CDH13: variants seen among roughly 807,000 people sequenced by gnomAD.
CDH13 encodes the protein cadherin 13, also known as cadherin-13.
In CDH13, 24 loss-of-function variants were observed where a neutral mutation model predicts 63.8. That is an observed-to-expected ratio of 0.38 (90% CI 0.27 to 0.53). The LOEUF is 0.53. Among genes scored for constraint, CDH13 ranks in the 20% least tolerant of loss-of-function variants. The probability of loss-of-function intolerance (pLI) is 0.85; values close to 1 mark genes in which losing one functional copy is unlikely to be tolerated. For synonymous variants in CDH13, 503 were observed against 355.3 expected (o/e 1.42, Z -4.67); for missense variants, 1,049 against 903.1 (o/e 1.16, Z -2.07).
intron 10 of CDH13, among the ~76,000 whole-genome samples, chr16:83,731,614 T>G (rs938888498): frequency 2.0e-5 from 3 of 152,228 alleles, no homozygotes; most frequent in African/African-American, 7.2e-5. Context: ...ATAGGTTGTC[T>G]GTTTATTCTG....
rs1181604361 is a variant in CDH13, at chr16:83,780,080, C to G, written c.1794C>G (p.Asn598Lys). 1.2e-6 allele frequency: 2 copies of G among 1,613,774 alleles called. No individual in the cohort carries two copies. Among genetic ancestry groups the G allele is most frequent in the Non-Finnish European group, 1.7e-6 (2 of 1,179,818 alleles). ...CTGAAGTCTGTGATGATGCCAAAAA[C>G]CTCAGTGTAGTCATTTTGGGAGCAT... ...TVAEVCDDAK[N>K]LSVVILGASD... Residue 598 changes from asparagine to lysine, a missense_variant, in exon 12 of 14, where the codon AAC (asparagine) becomes AAG (lysine). Physicochemically the swap from Asn to Lys is moderately conservative, Grantham distance 94. Coordinates refer to ENST00000567109, the MANE Select transcript of CDH13 (RefSeq NM_001257.5).
chr16:83,610,370 T>C (rs1908747737), intron 8 of CDH13, among the ~76,000 whole-genome samples: 2 of 152,240 alleles, frequency 1.3e-5, no homozygotes, highest in Non-Finnish European at 2.9e-5. Flanking sequence ...CAACTTCTTT[T>C]TGTCATGTAA....
intron 7 of CDH13, among the ~76,000 whole-genome samples, chr16:83,561,141 C>G (rs964230832): frequency 1.3e-5 from 2 of 152,030 alleles, no homozygotes; most frequent in Admixed American, 1.3e-4. Context: ...AGGTTCTTCT[C>G]TCATTCCTTC....
chr16:83,336,430 G>A (rs1597781181), intron 5 of CDH13, among the ~76,000 whole-genome samples: 1 of 152,062 alleles, frequency 6.6e-6, no homozygotes, highest in South Asian at 2.1e-4. Flanking sequence ...CAGCATCTAC[G>A]CTAAAAAACA....
intron 2 of CDH13, among the ~76,000 whole-genome samples, chr16:82,993,662 C>G (rs910696644): frequency 6.6e-6 from 1 of 152,130 alleles, no homozygotes; most frequent in African/African-American, 2.4e-5. Context: ...TCAGAGGATG[C>G]TGCTTCTCGG....
intron 5 of CDH13, among the ~76,000 whole-genome samples, chr16:83,240,872 T>G (rs1377608646): frequency 3.3e-5 from 5 of 151,826 alleles, no homozygotes; most frequent in African/African-American, 2.4e-5. Flanking sequence ...TCTTAACCAT[T>G]TATAAGTATG....
rs139325280 is a variant in CDH13 at position 82,639,542 on chromosome 16, G to C, written c.45+12405G>C. 57 of 925,616 alleles carry C rather than the reference G, an allele frequency of 6.2e-5. No homozygotes were observed. The African/African-American group carries it at 9.0e-4, about 15-fold the overall frequency. The allele number at this position is 925,616 out of a possible 1,614,324, so 57.3% of individuals were successfully genotyped here. ...GATGCTAAGAAACCCTGTTGCCTAA[G>C]TCAGTGCTTCCTGCAAGCTACTCTT... is the stretch of plus-strand genomic sequence containing the variant. On this transcript the variant is annotated intron_variant, in intron 1 of 13. Transcript: ENST00000567109.
chr16:82,750,973 T>C (rs2034389851), intron 1 of CDH13, among the ~76,000 whole-genome samples: 1 of 152,220 alleles, frequency 6.6e-6, no homozygotes, highest in Non-Finnish European at 1.5e-5. Flanking sequence ...TGAAAGCTAG[T>C]CATCAGCAGT....
chr16:83,336,312 A>AAG (rs1555531893), intron 5 of CDH13, among the ~76,000 whole-genome samples: 2 of 143,818 alleles, frequency 1.4e-5, no homozygotes, highest in Non-Finnish European at 3.0e-5. Flanking sequence ...AAAAAAAAAA[A>AAG]AAAAAAGAAA....
chr16:83,504,546 G>A (rs990911967), intron 7 of CDH13, among the ~76,000 whole-genome samples: 1 of 152,202 alleles, frequency 6.6e-6, no homozygotes, highest in Non-Finnish European at 1.5e-5. Flanking sequence ...AAGCAGGCCA[G>A]ATCTTTATGA....
At position 83,486,492 on chromosome 16, in the gene CDH13, G is replaced by A. The variant is rs575136203; in HGVS notation, c.797G>A (p.Arg266Gln). The A allele has an allele frequency of 2.1e-5, 34 of 1,613,270 alleles. No homozygotes were observed. Among genetic ancestry groups the A allele is most frequent in the South Asian group, 9.9e-5 (9 of 91,050 alleles). The stretch of plus-strand genomic sequence containing the variant: ...GCCCCGGTAGGCACCACAGTGATGC[G>A]GATGACAGCCTTTGATGCAGATGAC... ...EGSPTGTTVM[R>Q]MTAFDADDPA... The change falls in exon 7 of 14, where the codon CGG becomes CAG. Residue 266 changes from arginine to glutamine, a missense_variant. Transcript: ENST00000567109.
At chr16:83,422,709 T>C (rs902186186) in intron 6 of CDH13, among the ~76,000 whole-genome samples, 2 of 152,206 alleles carry the variant, frequency 1.3e-5, no homozygotes, top group Non-Finnish European at 2.9e-5. Flanking sequence ...TCTAAGCTCA[T>C]GTGGCCATTT....
intron 8 of CDH13, among the ~76,000 whole-genome samples, chr16:83,654,141 A>C (rs1912652941): frequency 6.6e-6 from 1 of 152,088 alleles, no homozygotes; most frequent in Admixed American, 6.5e-5. Context: ...GGATGAATGA[A>C]TCATTCCAGC....
intron 3 of CDH13, among the ~76,000 whole-genome samples, chr16:83,086,043 C>A (rs1391511421): frequency 1.3e-5 from 2 of 152,154 alleles, no homozygotes; most frequent in Non-Finnish European, 2.9e-5. Context: ...CTGGCTGCTC[C>A]AATTGAGAAC....
At chr16:83,449,729 C>T (rs2072829167) in intron 6 of CDH13, among the ~76,000 whole-genome samples, 1 of 152,182 alleles carries the variant, frequency 6.6e-6, no homozygotes, top group Non-Finnish European at 1.5e-5. Context: ...TGCAACTTGC[C>T]TAATGTGTCA....
chr16:82,795,966 C>G (rs1446609719), intron 1 of CDH13, among the ~76,000 whole-genome samples: 2 of 138,918 alleles, frequency 1.4e-5, no homozygotes, highest in Non-Finnish European at 3.1e-5. Flanking sequence ...TTTTTTCATT[C>G]AACAAACATT....
chr16:83,618,493 T>A (rs1292923264), intron 8 of CDH13, among the ~76,000 whole-genome samples: 23 of 148,978 alleles, frequency 1.5e-4, no homozygotes, highest in Non-Finnish European at 1.5e-5. Flanking sequence ...AGATGAGGGG[T>A]CCTGCTCAAG....
chr16:83,783,515 T>C (rs1915676616), intron 13 of CDH13, 43 bp downstream of exon 13: 1 of 1,472,044 alleles, frequency 6.8e-7, no homozygotes, highest in Non-Finnish European at 9.5e-7. Flanking sequence ...CAGGAAATTG[T>C]AACTTCACTG....
At chr16:83,711,129 T>A (rs1050435907) in intron 10 of CDH13, among the ~76,000 whole-genome samples, 1 of 152,190 alleles carries the variant, frequency 6.6e-6, no homozygotes, top group Non-Finnish European at 1.5e-5. Flanking sequence ...AAGCTGTCCC[T>A]TCTCCACTCT....
Sources: allele counts gnomAD v4.1 joint callset (sites outside exome capture counted in the v4.1 genomes callset), GRCh38; gene constraint gnomAD v4.1.1; transcripts MANE v1.5; gene names NCBI Gene and HGNC (gene_info 2026-07-23, HGNC 2026-07-21).